DNAH8: variants seen among roughly 807,000 people sequenced by gnomAD.
DNAH8 encodes the protein dynein axonemal heavy chain 8.
Under a neutral mutation model 562.1 loss-of-function variants are expected in DNAH8, and 382 were observed. The ratio of observed to expected loss-of-function variants is 0.68; its 90% confidence interval spans 0.63 to 0.74. The LOEUF is 0.74. Among genes scored for constraint, DNAH8 ranks in the 30% least tolerant of loss-of-function variants. DNAH8 has a pLI of 0.00. For missense variants in DNAH8, 5,203 were observed against 5,620.4 expected (o/e 0.93, Z 2.37); for synonymous variants, 1,881 against 1,919.4 (o/e 0.98, Z 0.52).
At chr6:39,022,091 T>A (rs900496439) in intron 91 of DNAH8, among the ~76,000 whole-genome samples, 4 of 152,188 alleles carry the variant, frequency 2.6e-5, no homozygotes, top group African/African-American at 9.7e-5. Flanking sequence ...AAAAGGGAAT[T>A]TTTTAAAAGA....
rs143492695 is a variant in DNAH8 at position 38,737,847 on chromosome 6, A to G, written c.991A>G (p.Thr331Ala). ...ISIEGTVKLK[T>A]IDNVNFSKLH... is the part of the protein sequence containing the mutation. ...TATTGAGGGAACAGTGAAGTTAAAGACAATAGACAATGTTAATTTTTCCAA... is the reference window on the plus strand; with the variant it reads ...TATTGAGGGAACAGTGAAGTTAAAGGCAATAGACAATGTTAATTTTTCCAA... Residue 331 changes from threonine to alanine, a missense_variant, in exon 7 of 93, where the codon ACA (threonine) becomes GCA (alanine). Coordinates refer to ENST00000327475, the MANE Select transcript of DNAH8 (RefSeq NM_001206927.2). 1,377 of 1,577,506 alleles carry G rather than the reference A, an allele frequency of 8.7e-4. 1 individual carries two copies. The highest frequency in any genetic ancestry group is 1.1e-3 in the Non-Finnish European group (1,309 of 1,165,472).
At chr6:38,913,990 T>C (rs759253775) in intron 67 of DNAH8, 38 bp downstream of exon 67, 3 of 1,478,142 alleles carry the variant, frequency 2.0e-6, no homozygotes, top group African/African-American at 2.8e-5. Context: ...TGAGGAATAT[T>C]TTTCCATATT....
Position 38,945,529 on chromosome 6 carries a change from A to G in DNAH8, c.12070A>G (p.Thr4024Ala). Reference protein sequence around the residue: ...PKPYRWILDMTWLNLVELSKL... With the variant: ...PKPYRWILDMAWLNLVELSKL... Reference sequence around the variant, plus strand: ...ACCCTATCGCTGGATCCTTGACATGACTTGGCTGAATCTTGTGGAGCTGAG... The same window carrying G: ...ACCCTATCGCTGGATCCTTGACATGGCTTGGCTGAATCTTGTGGAGCTGAG... Residue 4024 changes from threonine to alanine, a missense_variant, in exon 80 of 93, where the codon ACT becomes GCT. By Grantham distance (58) the Thr-to-Ala change is moderately conservative. Coordinates refer to ENST00000327475, the MANE Select transcript of DNAH8 (RefSeq NM_001206927.2). 6.2e-7 allele frequency: 1 copy of G among 1,614,166 alleles called. No individual in the cohort carries two copies. The highest frequency in any genetic ancestry group is 8.5e-7 in the Non-Finnish European group (1 of 1,180,010).
intron 89 of DNAH8, 51 bp downstream of exon 89, chr6:39,009,021 A>G (rs1488937845): frequency 7.4e-7 from 1 of 1,344,918 alleles, no homozygotes; most frequent in Non-Finnish European, 1.0e-6. Context: ...GTATATTTAA[A>G]CAGTAAGTTT....
intron 7 of DNAH8, among the ~76,000 whole-genome samples, chr6:38,739,995 T>C (rs1256824414): frequency 6.6e-6 from 1 of 152,234 alleles, no homozygotes; most frequent in Non-Finnish European, 1.5e-5. Flanking sequence ...TCCATTTTTT[T>C]CTAACATATT....
At chr6:38,757,953 G>A (rs779596569) in intron 10 of DNAH8, among the ~76,000 whole-genome samples, 8 of 152,128 alleles carry the variant, frequency 5.3e-5, no homozygotes, top group Non-Finnish European at 1.0e-4. Context: ...GTCAGGTAGC[G>A]TGATGCCTCT....
chr6:38,728,133 T>A (rs1300807496), intron 3 of DNAH8, among the ~76,000 whole-genome samples: 1 of 152,108 alleles, frequency 6.6e-6, no homozygotes, highest in Non-Finnish European at 1.5e-5. Context: ...GCCCAGCTAA[T>A]TTTTTTGGTA....
At position 38,834,546 on chromosome 6, in the gene DNAH8, G is replaced by A. The variant is rs1316270768; in HGVS notation, c.4303-33G>A. 3.5e-6 allele frequency: 5 copies of A among 1,425,862 alleles called. No individual in the cohort carries two copies. The South Asian group carries it at 5.3e-5, about 15-fold the overall frequency. The allele number at this position is 1,425,862 out of a possible 1,614,324, so 88.3% of individuals were successfully genotyped here. A position where few individuals can be genotyped will look rare whatever the true frequency, so the allele number is the denominator to read the frequency against. ...TAAACTGACAAATACATATGATTAA[G>A]AATGAAAATGGAGATTATATTCTTC... On this transcript the variant is annotated intron_variant, in intron 31 of 92. Coordinates refer to ENST00000327475, the MANE Select transcript of DNAH8 (RefSeq NM_001206927.2).
At chr6:39,010,109 C>T (rs1452285311) in intron 89 of DNAH8, among the ~76,000 whole-genome samples, 1 of 151,104 alleles carries the variant, frequency 6.6e-6, no homozygotes, top group Non-Finnish European at 1.5e-5. Flanking sequence ...GGGGCCACTT[C>T]ACCAACAAGA....
Position 38,723,132 on chromosome 6 carries a change from G to A in DNAH8, c.323G>A (p.Arg108Lys). ...GTGCTGTCCTTGCCGTCTTCCCGGA[G>A]GTCCTCCAGATACCGCCGGAGTATG... is the stretch of plus-strand genomic sequence containing the variant. The part of the protein sequence containing the change: ...SEVLSLPSSR[R>K]SSRYRRSMSG... The change falls in exon 2 of 93, where the codon AGG becomes AAG. Residue 108 changes from arginine (R) to lysine (K), a missense_variant. This residue lies in a region of DNAH8 where 556 missense variants were observed against 496.9 expected (regional missense o/e 1.12). Transcript: ENST00000327475. 1 of 1,612,754 alleles carries A rather than the reference G, an allele frequency of 6.2e-7. No individual in the cohort carries two copies. The highest frequency in any genetic ancestry group is 1.1e-5 in the South Asian group (1 of 91,078).
chr6:38,803,225 A>AT lies in DNAH8; in HGVS notation c.2949dup (p.Val984CysfsTer13), dbSNP rs770372463. The AT allele has an allele frequency of 3.6e-5, 58 of 1,609,658 alleles. No individual in the cohort carries two copies. Among genetic ancestry groups the AT allele is most frequent in the Non-Finnish European group, 4.9e-5 (58 of 1,177,214 alleles). On this transcript the variant is annotated frameshift_variant, in exon 22 of 93. Coordinates refer to ENST00000327475, the MANE Select transcript of DNAH8 (RefSeq NM_001206927.2). LOFTEE classifies it high-confidence loss of function. Reference sequence around the variant, plus strand: ...GACATTCTAAACCACAAAAGTAAGCATGTGGAAGAAGCTGTCAGAGAACTT... The same window carrying AT: ...GACATTCTAAACCACAAAAGTAAGCATTGTGGAAGAAGCTGTCAGAGAACTT...
chr6:38,861,621 G>A (rs148869287), intron 43 of DNAH8, among the ~76,000 whole-genome samples: 1 of 152,172 alleles, frequency 6.6e-6, no homozygotes, highest in African/African-American at 2.4e-5. Context: ...GCAGTGGCGC[G>A]ATCTTGGCTC....
intron 33 of DNAH8, among the ~76,000 whole-genome samples, 171 bp downstream of exon 33, chr6:38,838,213 A>G (rs1774460088): frequency 6.6e-6 from 1 of 152,220 alleles, no homozygotes; most frequent in African/African-American, 2.4e-5. Context: ...ACAGTCTCCT[A>G]TACAAAAGAA....
intron 33 of DNAH8, among the ~76,000 whole-genome samples, chr6:38,839,700 T>C (rs560867591): frequency 8.8e-4 from 134 of 152,088 alleles, no homozygotes; most frequent in African/African-American, 3.1e-3. Flanking sequence ...TTCACTCTTG[T>C]TGCCCAGGCT....
chr6:39,026,756 G>C (rs1308537674), intron 92 of DNAH8, 89 bp downstream of exon 92: 1 of 1,435,632 alleles, frequency 7.0e-7, no homozygotes, highest in Non-Finnish European at 9.5e-7. Context: ...GAGTGCCTTG[G>C]TTAGGTCCAT....
At chr6:38,781,872 T>C (rs1264695163) in intron 16 of DNAH8, among the ~76,000 whole-genome samples, 1 of 152,150 alleles carries the variant, frequency 6.6e-6, no homozygotes, top group Non-Finnish European at 1.5e-5. Flanking sequence ...AACAGGACAG[T>C]CTTGGGCCCT....
At chr6:39,010,999 G>T (rs1766176842) in intron 89 of DNAH8, among the ~76,000 whole-genome samples, 1 of 152,082 alleles carries the variant, frequency 6.6e-6, no homozygotes, top group African/African-American at 2.4e-5. Flanking sequence ...TGCTACGTCG[G>T]ACTGCGTTAG....
At chr6:38,850,850 G>C (rs1775687037) in intron 38 of DNAH8, among the ~76,000 whole-genome samples, 1 of 152,002 alleles carries the variant, frequency 6.6e-6, no homozygotes, top group African/African-American at 2.4e-5. Flanking sequence ...CTCTTCCTGT[G>C]TGTCTCTTAT....
chr6:38,914,265 T>C (rs908824810), intron 67 of DNAH8, among the ~76,000 whole-genome samples: 1 of 152,042 alleles, frequency 6.6e-6, no homozygotes, highest in African/African-American at 2.4e-5. Context: ...GGTCCCTGTA[T>C]GTTCCAGGTT....
Sources: allele counts gnomAD v4.1 joint callset (sites outside exome capture counted in the v4.1 genomes callset), GRCh38; gene constraint gnomAD v4.1.1; regional missense constraint gnomAD v4.1.1; transcripts MANE v1.5; gene names NCBI Gene and HGNC (gene_info 2026-07-23, HGNC 2026-07-21).